ANO3: variants seen among roughly 807,000 people sequenced by gnomAD.
The protein encoded by ANO3 is anoctamin 3, also known as anoctamin-3.
ANO3 carries 99 observed loss-of-function variants against 144.8 expected under a neutral mutation model. That is an observed-to-expected ratio of 0.68 (90% CI 0.58 to 0.81). ANO3 has a LOEUF of 0.81. Ranked by LOEUF, ANO3 falls within the 30% of genes least tolerant of loss-of-function variation. The pLI, the probability that ANO3 is intolerant of heterozygous loss-of-function variation, is 0.00. For missense variants in ANO3, 905 were observed against 1,202.2 expected (o/e 0.75, Z 3.66); for synonymous variants, 414 against 392.6 (o/e 1.05, Z -0.64).
chr11:26,497,497 T>C (rs1172002020), intron 4 of ANO3, among the ~76,000 whole-genome samples: 1 of 152,082 alleles, frequency 6.6e-6, no homozygotes, highest in Non-Finnish European at 1.5e-5. Flanking sequence ...ACCAGACCGA[T>C]GTTGTAAAAA....
At chr11:26,189,945 C>G (rs905657142) in intron 1 of ANO3, among the ~76,000 whole-genome samples, 1 of 152,110 alleles carries the variant, frequency 6.6e-6, no homozygotes, top group South Asian at 2.1e-4. Flanking sequence ...CAATACTATA[C>G]ACTAATAGTT....
intron 4 of ANO3, among the ~76,000 whole-genome samples, chr11:26,505,991 T>C (rs1861417221): frequency 5.5e-5 from 1 of 18,150 alleles, no homozygotes; most frequent in East Asian, 1.6e-3. Flanking sequence ...AGACTCTGTC[T>C]CAAAAAAAAA....
At chr11:26,499,082 A>T (rs566275666) in intron 4 of ANO3, among the ~76,000 whole-genome samples, 1 of 151,988 alleles carries the variant, frequency 6.6e-6, no homozygotes, top group Admixed American at 6.5e-5. Flanking sequence ...TTTTTCAGAT[A>T]ATGTCACATT....
At chr11:26,386,003 G>C (rs12283950) in intron 1 of ANO3, among the ~76,000 whole-genome samples, 2 of 151,722 alleles carry the variant, frequency 1.3e-5, no homozygotes, top group Admixed American at 1.3e-4. Flanking sequence ...ACCCAGTAGC[G>C]ACAAGCACAC....
intron 4 of ANO3, among the ~76,000 whole-genome samples, chr11:26,504,697 G>C (rs1242121163): frequency 6.6e-6 from 1 of 151,886 alleles, no homozygotes; most frequent in East Asian, 1.9e-4. Context: ...GGATAACTCG[G>C]CTGTCATGTT....
chr11:26,344,123 G>A (rs1172921436), intron 1 of ANO3, among the ~76,000 whole-genome samples: 2 of 152,054 alleles, frequency 1.3e-5, no homozygotes, highest in Admixed American at 1.3e-4. Context: ...AGTAATTTCT[G>A]ATTATGACCT....
At chr11:26,511,769 A>G in intron 5 of ANO3, among the ~76,000 whole-genome samples, 1 of 152,134 alleles carries the variant, frequency 6.6e-6, no homozygotes, top group Non-Finnish European at 1.5e-5. Flanking sequence ...AGGGCTAGAT[A>G]TGGTTTTCAA....
chr11:26,423,960 G>A (rs561652483), intron 1 of ANO3, among the ~76,000 whole-genome samples: 8 of 151,842 alleles, frequency 5.3e-5, no homozygotes, highest in Non-Finnish European at 1.0e-4. Context: ...CATCTATGAC[G>A]TAGGCATTGT....
At chr11:26,623,627 A>G (rs1310589353) in intron 17 of ANO3, among the ~76,000 whole-genome samples, 1 of 152,170 alleles carries the variant, frequency 6.6e-6, no homozygotes, top group African/African-American at 2.4e-5. Flanking sequence ...AATAACCACA[A>G]AAACAATTTT....
chr11:26,481,738 G>A (rs970822362), intron 4 of ANO3, among the ~76,000 whole-genome samples: 1 of 152,094 alleles, frequency 6.6e-6, no homozygotes, highest in Non-Finnish European at 1.5e-5. Flanking sequence ...CAAAGGGAAA[G>A]AATGTCTATA....
chr11:26,478,503 T>G (rs534510704), intron 4 of ANO3, among the ~76,000 whole-genome samples: 1 of 152,130 alleles, frequency 6.6e-6, no homozygotes, highest in Non-Finnish European at 1.5e-5. Context: ...CTCCCTCCTG[T>G]TGGACAGAAT....
At chr11:26,482,485 G>T in intron 4 of ANO3, among the ~76,000 whole-genome samples, 1 of 149,060 alleles carries the variant, frequency 6.7e-6, no homozygotes, top group East Asian at 2.0e-4. Context: ...TCTTTAAAAA[G>T]TCCTACTTAG....
At chr11:26,490,521 A>G (rs976087368) in intron 4 of ANO3, among the ~76,000 whole-genome samples, 4 of 152,240 alleles carry the variant, frequency 2.6e-5, no homozygotes, top group Admixed American at 2.0e-4. Flanking sequence ...TTTAGGTGTT[A>G]TGGCTGCATG....
chr11:26,534,947 T>A lies in ANO3; in HGVS notation c.976+385T>A, dbSNP rs561707924. Reference sequence around the variant, plus strand: ...CATGCTTAGGGACTGAAAAATAAGTTAGGCTGTGTCCATGTAGTACATTCA... The same window carrying A: ...CATGCTTAGGGACTGAAAAATAAGTAAGGCTGTGTCCATGTAGTACATTCA... On this transcript the variant is annotated intron_variant, in intron 9 of 26. Transcript: ENST00000256737. Among the ~76,000 whole-genome samples the A allele has an allele frequency of 2.0e-4, 30 of 152,066 alleles. No homozygotes were observed. The South Asian group carries it at 6.2e-3, about 32-fold the overall frequency.
chr11:26,494,452 G>A (rs17243315), intron 4 of ANO3, among the ~76,000 whole-genome samples: 11,384 of 152,112 alleles, frequency 0.075, 602 homozygotes, highest in Admixed American at 0.13. Flanking sequence ...GCACAGTAAC[G>A]TGAGATAGGA....
intron 4 of ANO3, among the ~76,000 whole-genome samples, chr11:26,468,729 T>C (rs1324296913): frequency 6.6e-6 from 1 of 151,998 alleles, no homozygotes; most frequent in African/African-American, 2.4e-5. Flanking sequence ...TGTCCAGATA[T>C]TGTGAGATGG....
rs1296766557 is a variant in ANO3, at chr11:26,236,207, TAATA to T, written c.154+46884_154+46887del. Among the ~76,000 whole-genome samples the T allele has an allele frequency of 2.6e-5, 4 of 152,272 alleles. No homozygotes were observed. In the Middle Eastern group the frequency reaches 0.014, roughly 518 times the overall value. On this transcript the variant is annotated intron_variant, in intron 1 of 27. Coordinates refer to the ANO3 transcript ENST00000672621. ...AAATTTCATATCTATAAAAATAATT[TAATA>T]AATAAACTTATACATGTACACTTTA...
At chr11:26,457,574 T>G (rs944887366) in intron 3 of ANO3, among the ~76,000 whole-genome samples, 3 of 152,106 alleles carry the variant, frequency 2.0e-5, no homozygotes, top group African/African-American at 7.2e-5. Flanking sequence ...ATTCTTGCAT[T>G]TAATCCTTGG....
At chr11:26,548,789 GT>G (rs1242418141) in intron 12 of ANO3, among the ~76,000 whole-genome samples, 1 of 151,856 alleles carries the variant, frequency 6.6e-6, no homozygotes, top group Non-Finnish European at 1.5e-5. Flanking sequence ...TTATTTCAGA[GT>G]TTTGCAAACT....
Sources: allele counts gnomAD v4.1 joint callset (sites outside exome capture counted in the v4.1 genomes callset), GRCh38; gene constraint gnomAD v4.1.1; transcripts MANE v1.5; gene names NCBI Gene and HGNC (gene_info 2026-07-23, HGNC 2026-07-21).